TNFAIP8: variants seen among roughly 807,000 people sequenced by gnomAD.
TNFAIP8 encodes tumor necrosis factor alpha-induced protein 8.
TNFAIP8 carries 7 observed loss-of-function variants against 13.3 expected under a neutral mutation model. The ratio of observed to expected loss-of-function variants is 0.52; its 90% CI spans 0.30 to 0.99. TNFAIP8 has a LOEUF of 0.99. TNFAIP8 is among the 50% of genes least tolerant of loss of function. The pLI is 0.07. For missense variants in TNFAIP8, 258 were observed against 236.9 expected (o/e 1.09, Z -0.58); for synonymous variants, 94 against 87.6 (o/e 1.07, Z -0.41).
intron 1 of TNFAIP8, among the ~76,000 whole-genome samples, chr5:119,382,727 A>C (rs900892852): frequency 9.2e-5 from 14 of 152,210 alleles, no homozygotes; most frequent in African/African-American, 3.1e-4. Flanking sequence ...CAGGCACATG[A>C]GCACTCAGTA....
chr5:119,291,104 T>C (rs375020127), intron 1 of TNFAIP8, among the ~76,000 whole-genome samples: 5 of 152,242 alleles, frequency 3.3e-5, no homozygotes, highest in African/African-American at 1.2e-4. Context: ...ATCCAGGTAG[T>C]CAGCTCTCTA....
chr5:119,326,674 A>G (rs1750237502), intron 1 of TNFAIP8, among the ~76,000 whole-genome samples: 1 of 152,190 alleles, frequency 6.6e-6, no homozygotes, highest in African/African-American at 2.4e-5. Context: ...ATGTATCATG[A>G]GGACAACTAA....
intron 1 of TNFAIP8, among the ~76,000 whole-genome samples, chr5:119,308,854 CAAA>C (rs61628819): frequency 0.048 from 2,794 of 58,036 alleles, 78 homozygotes; most frequent in African/African-American, 0.11. Flanking sequence ...GACTCCATCT[CAAA>C]AAAAAAAAAA....
chr5:119,286,234 A>G (rs73794107), intron 1 of TNFAIP8, among the ~76,000 whole-genome samples: 13,324 of 152,108 alleles, frequency 0.088, 826 homozygotes, highest in African/African-American at 0.18. Context: ...CCCTCACTGC[A>G]CTTCCCCAGC....
chr5:119,269,436 G>GTGTGTGTGTGTGTGTA (rs1052413935), intron 1 of TNFAIP8, among the ~76,000 whole-genome samples: 3 of 151,168 alleles, frequency 2.0e-5, no homozygotes, highest in Non-Finnish European at 4.4e-5. Flanking sequence ...GGAAGAAAAT[G>GTGTGTGTGTGTGTGTA]TGTGTGTGTG....
chr5:119,367,850 G>A (rs1289036753), intron 1 of TNFAIP8, among the ~76,000 whole-genome samples: 2 of 151,976 alleles, frequency 1.3e-5, no homozygotes, highest in Admixed American at 1.3e-4. Context: ...TTTTTTTCAG[G>A]CCATCACTTT....
chr5:119,330,509 T>G (rs777189687), intron 1 of TNFAIP8, among the ~76,000 whole-genome samples: 17 of 152,206 alleles, frequency 1.1e-4, no homozygotes, highest in Non-Finnish European at 2.5e-4. Context: ...GAGATTGTTC[T>G]GGGAGGGTAG....
intron 1 of TNFAIP8, among the ~76,000 whole-genome samples, chr5:119,273,209 T>C (rs1313185038): frequency 5.3e-5 from 8 of 152,188 alleles, no homozygotes; most frequent in Non-Finnish European, 7.3e-5. Flanking sequence ...TATTATAGGA[T>C]TGTTGTGCAG....
At chr5:119,392,780 A>G (rs1458559819) in intron 1 of TNFAIP8, 36 bp from the exon 2 acceptor site, 5 of 1,490,700 alleles carry the variant, frequency 3.4e-6, no homozygotes, top group South Asian at 1.3e-5. Flanking sequence ...ATATTTACTA[A>G]TTGTTAATTC....
intron 1 of TNFAIP8, among the ~76,000 whole-genome samples, chr5:119,320,774 T>C (rs992481567): frequency 6.0e-5 from 9 of 151,232 alleles, no homozygotes; most frequent in African/African-American, 9.7e-5. Context: ...CCTTTTTTTC[T>C]CCTACCTGAA....
chr5:119,364,891 G>A (rs865897291), intron 1 of TNFAIP8, among the ~76,000 whole-genome samples: 5 of 111,902 alleles, frequency 4.5e-5, no homozygotes, highest in Non-Finnish European at 6.7e-5. Context: ...TTGCTCTGTC[G>A]CCCATGCTGG....
intron 1 of TNFAIP8, among the ~76,000 whole-genome samples, chr5:119,338,465 T>C (rs1051425131): frequency 1.3e-5 from 2 of 152,206 alleles, no homozygotes; most frequent in African/African-American, 4.8e-5. Context: ...CTTAGGACTC[T>C]GCTCTCTGCT....
chr5:119,364,193 T>A (rs917145764), intron 1 of TNFAIP8, among the ~76,000 whole-genome samples: 1 of 152,156 alleles, frequency 6.6e-6, no homozygotes, highest in Admixed American at 6.5e-5. Flanking sequence ...TGCTAACCAT[T>A]CCCCATTCTG....
Position 119,276,363 on chromosome 5 carries a change from C to G in TNFAIP8, c.1+7456C>G, listed in dbSNP as rs375616090. On this transcript the variant is annotated intron_variant, in intron 1 of 1. Coordinates refer to the TNFAIP8 transcript ENST00000274456. ...GAACTCCTGACCTCAAGTGATCCACCTGCCTTGGCCTCCCAAAGTGTTGGG... is the reference window on the plus strand; with the variant it reads ...GAACTCCTGACCTCAAGTGATCCACGTGCCTTGGCCTCCCAAAGTGTTGGG... Among the ~76,000 whole-genome samples, 5 of 152,170 alleles carry G rather than the reference C, an allele frequency of 3.3e-5. No homozygotes were observed. The East Asian group carries it at 9.6e-4, about 29-fold the overall frequency.
chr5:119,391,003 T>C (rs1320510711), intron 1 of TNFAIP8, among the ~76,000 whole-genome samples: 2 of 143,448 alleles, frequency 1.4e-5, no homozygotes, highest in East Asian at 2.1e-4. Flanking sequence ...TTTTTTTTTG[T>C]AGTTTTTTGT....
intron 1 of TNFAIP8, among the ~76,000 whole-genome samples, chr5:119,386,069 CCT>C (rs1213641330): frequency 2.0e-5 from 3 of 152,054 alleles, no homozygotes; most frequent in Admixed American, 6.5e-5. Flanking sequence ...TTTCCAGGAC[CCT>C]GGGGAAATAA....
intron 1 of TNFAIP8, among the ~76,000 whole-genome samples, chr5:119,279,589 G>C (rs961478276): frequency 1.3e-5 from 2 of 152,166 alleles, no homozygotes; most frequent in South Asian, 4.1e-4. Flanking sequence ...GTGTTTGTTA[G>C]AGATAGGGTC....
chr5:119,315,564 G>C (rs942598763), intron 1 of TNFAIP8, among the ~76,000 whole-genome samples: 2 of 152,176 alleles, frequency 1.3e-5, no homozygotes, highest in Non-Finnish European at 2.9e-5. Flanking sequence ...GCTCCCAGGG[G>C]AACAGTGCCT....
intron 1 of TNFAIP8, among the ~76,000 whole-genome samples, chr5:119,312,174 A>T (rs1471734371): frequency 1.3e-5 from 2 of 152,108 alleles, no homozygotes; most frequent in African/African-American, 4.8e-5. Context: ...ATTATCTGGG[A>T]TTCTAGCTGG....
Sources: gnomAD v4.1 joint callset for allele counts (sites outside exome capture counted in the v4.1 genomes callset) on GRCh38, gnomAD v4.1.1 for gene constraint, MANE v1.5 for transcripts, NCBI Gene and HGNC (gene_info 2026-07-23, HGNC 2026-07-21) for gene names.